DCHS2: variants seen among roughly 807,000 people sequenced by gnomAD.
DCHS2 encodes protocadherin-23.
Under a neutral mutation model 182.4 loss-of-function variants are expected in DCHS2, and 142 were observed. The ratio of observed to expected loss-of-function variants is 0.78; its 90% CI spans 0.68 to 0.89. The LOEUF (loss-of-function observed/expected upper bound fraction) is 0.89. DCHS2 is among the 40% of genes least tolerant of loss of function. The pLI is 0.00. For synonymous variants in DCHS2, 1,740 were observed against 1,663.3 expected (o/e 1.05, Z -1.12); for missense variants, 4,319 against 4,198.6 (o/e 1.03, Z -0.79).
At position 154,234,980 on chromosome 4, in the gene DCHS2, A is replaced by AGAG. The variant is rs760501527; in HGVS notation, c.9669_9671dup (p.Ser3224dup). The stretch of plus-strand genomic sequence containing the variant: ...GATAGTTGTCTTTTCCATCATGATC[A>AGAG]GAGGTCGTCTGAGTTGAAAGAGCTG... On this transcript the variant is annotated inframe_insertion, in exon 20 of 20. Coordinates refer to ENST00000357232, the MANE Select transcript of DCHS2 (RefSeq NM_001358235.2). 6.2e-7 allele frequency: 1 copy of AGAG among 1,613,984 alleles called. No individual in the cohort carries two copies. Among genetic ancestry groups the AGAG allele is most frequent in the Non-Finnish European group, 8.5e-7 (1 of 1,179,984 alleles).
intron 12 of DCHS2, among the ~76,000 whole-genome samples, chr4:154,300,958 T>A (rs921956027): frequency 2.0e-5 from 3 of 152,200 alleles, no homozygotes; most frequent in Non-Finnish European, 4.4e-5. Flanking sequence ...TGAAGTTTTC[T>A]AAGGAATTCA....
intron 1 of DCHS2, chr4:154,384,491 G>A (rs1283164035): frequency 1.9e-6 from 3 of 1,566,384 alleles, no homozygotes; most frequent in Admixed American, 3.8e-5. Flanking sequence ...ACTGAATGCT[G>A]GCCTCCAAAA....
At chr4:154,410,622 C>T (rs4550900) in intron 1 of DCHS2, among the ~76,000 whole-genome samples, 48,343 of 142,470 alleles carry the variant, frequency 0.34, 9,867 homozygotes, top group African/African-American at 0.58. Context: ...CTATGGGACT[C>T]ATGGGACACC....
chr4:154,294,599 A>C (rs994146336), intron 13 of DCHS2, among the ~76,000 whole-genome samples: 4 of 152,228 alleles, frequency 2.6e-5, no homozygotes, highest in African/African-American at 9.6e-5. Context: ...ACAGATAGGC[A>C]ACAGAAGAGT....
In DCHS2 at chr4:154,445,883, A is replaced by C. The variant is rs186336155; in HGVS notation, c.2052+43421T>G. 2.0e-5 allele frequency among the ~76,000 whole-genome samples: 3 copies of C among 152,148 alleles called. No homozygotes were observed. The East Asian group carries it at 5.8e-4, about 29-fold the overall frequency. On this transcript the variant is annotated intron_variant, in intron 1 of 19. Transcript: ENST00000357232. ...CTGGTCGAGCCACCAACATCCCTCG[A>C]GTAGAACAAAAACTGATGATAGAAT... is the stretch of plus-strand genomic sequence containing the variant.
At chr4:154,295,241 C>G (rs996478360) in intron 13 of DCHS2, among the ~76,000 whole-genome samples, 1 of 152,174 alleles carries the variant, frequency 6.6e-6, no homozygotes, top group Non-Finnish European at 1.5e-5. Flanking sequence ...GAGAATAAGA[C>G]GTTTCTCTAT....
Position 154,306,855 on chromosome 4 carries a change from T to G in DCHS2, c.5261-1624A>C, listed in dbSNP as rs139545803. On this transcript the variant is annotated intron_variant, in intron 10 of 19. Transcript: ENST00000357232. ...TGTCTTCAATTGTTTACACATAAAT[T>G]CAGATCTTTCTGCTGTCCCTTCCCA... Among the ~76,000 whole-genome samples, 368 of 152,284 alleles carry G rather than the reference T, an allele frequency of 2.4e-3. 8 individuals carry two copies. Among genetic ancestry groups the G allele is most frequent in the Non-Finnish European group, 5.3e-4 (36 of 68,004 alleles).
chr4:154,435,264 C>A (rs545735767), intron 1 of DCHS2, among the ~76,000 whole-genome samples: 4 of 152,306 alleles, frequency 2.6e-5, no homozygotes, highest in African/African-American at 9.6e-5. Flanking sequence ...AGCAAATTCT[C>A]AGTCATCACA....
At chr4:154,280,953 G>A (rs1466243526) in intron 13 of DCHS2, among the ~76,000 whole-genome samples, 1 of 151,848 alleles carries the variant, frequency 6.6e-6, no homozygotes, top group Non-Finnish European at 1.5e-5. Flanking sequence ...TCAGCCTCCT[G>A]AGTAGTCGGG....
At position 154,411,465 on chromosome 4, in the gene DCHS2, C is replaced by T. The variant is rs567145600; in HGVS notation, c.2053-34021G>A. Among the ~76,000 whole-genome samples, 10 of 151,966 alleles carry T rather than the reference C, an allele frequency of 6.6e-5. No homozygotes were observed. In the East Asian group the frequency reaches 1.2e-3, roughly 18 times the overall value. On this transcript the variant is annotated intron_variant, in intron 1 of 19. Transcript: ENST00000357232. The stretch of plus-strand genomic sequence containing the variant: ...TACAAAAATTAGCCAGGTGTGGTGG[C>T]GCGTGCCTGTAGTCCCAGCTACTCG...
At chr4:154,355,937 G>C (rs762042964) in intron 3 of DCHS2, among the ~76,000 whole-genome samples, 1 of 151,930 alleles carries the variant, frequency 6.6e-6, no homozygotes, top group Admixed American at 6.6e-5. Context: ...CCATATTACT[G>C]GTTTATGTAT....
intron 1 of DCHS2, among the ~76,000 whole-genome samples, chr4:154,455,005 G>C (rs1174506461): frequency 1.3e-5 from 2 of 152,180 alleles, no homozygotes; most frequent in African/African-American, 4.8e-5. Context: ...GTCAATGTGA[G>C]GCAGCAGCTA....
At chr4:154,363,518 T>C (rs1445367880) in intron 3 of DCHS2, among the ~76,000 whole-genome samples, 1 of 152,188 alleles carries the variant, frequency 6.6e-6, no homozygotes, top group African/African-American at 2.4e-5. Flanking sequence ...AATACTGAAC[T>C]CATAGAAACA....
intron 3 of DCHS2, among the ~76,000 whole-genome samples, chr4:154,346,655 C>T (rs548731211): frequency 6.6e-6 from 1 of 152,028 alleles, no homozygotes; most frequent in South Asian, 2.1e-4. Context: ...ATTCCTGGAA[C>T]CCTGAAAAGT....
In DCHS2 at chr4:154,419,927, T is replaced by C. The variant is rs992086901; in HGVS notation, c.2053-42483A>G. Among the ~76,000 whole-genome samples the C allele has an allele frequency of 8.6e-5, 13 of 151,594 alleles. 1 individual carries two copies. The East Asian group carries it at 2.3e-3, about 27-fold the overall frequency. ...TGGACATATATAGGCAGGGAGGAGA[T>C]GATGAAAAATCAGAGTATATCCTGG... On this transcript the variant is annotated intron_variant, in intron 1 of 19. Coordinates refer to ENST00000357232, the MANE Select transcript of DCHS2 (RefSeq NM_001358235.2).
chr4:154,454,154 CA>C (rs1734661978), intron 1 of DCHS2, among the ~76,000 whole-genome samples: 3 of 152,034 alleles, frequency 2.0e-5, no homozygotes, highest in African/African-American at 7.2e-5. Context: ...CACACACACA[CA>C]CCCCTTGCCA....
rs1729927519 is a variant in DCHS2, at chr4:154,357,452, CT to C, written c.2476+8757del. 3 of 630,106 alleles carry C rather than the reference CT, an allele frequency of 4.8e-6. No individual in the cohort carries two copies. The East Asian group carries it at 8.2e-5, about 17-fold the overall frequency. 39.0% of individuals were successfully genotyped at this position (630,106 alleles called of 1,614,324 possible). A position where few individuals can be genotyped will look rare whatever the true frequency, so the allele number is the denominator to read the frequency against. On this transcript the variant is annotated intron_variant, in intron 3 of 19. Coordinates refer to ENST00000357232, the MANE Select transcript of DCHS2 (RefSeq NM_001358235.2). ...CACTCTTGTGCAAATAATTCACAAT[CT>C]TTCTGAGCCCAGCTATCACCAGACC... is the stretch of plus-strand genomic sequence containing the variant.
intron 8 of DCHS2, 68 bp downstream of exon 8, chr4:154,322,263 A>G (rs781356460): frequency 3.9e-5 from 62 of 1,598,878 alleles, no homozygotes; most frequent in Non-Finnish European, 4.5e-5. Context: ...TCTTCACTCT[A>G]TAAACTTGTA....
At chr4:154,472,432 CAATT>C (rs964466750) in intron 1 of DCHS2, among the ~76,000 whole-genome samples, 1 of 152,138 alleles carries the variant, frequency 6.6e-6, no homozygotes, top group African/African-American at 2.4e-5. Context: ...TAGCAGGTAA[CAATT>C]AAATTAAATT....
Sources: gnomAD v4.1 joint callset for allele counts (sites outside exome capture counted in the v4.1 genomes callset) on GRCh38, gnomAD v4.1.1 for gene constraint, MANE v1.5 for transcripts, NCBI Gene and HGNC (gene_info 2026-07-23, HGNC 2026-07-21) for gene names.